The following XPO7 variants were observed in gnomAD, a reference collection of about 807,000 sequenced individuals.
The protein encoded by XPO7 is exportin 7, also known as exportin-7.
Under a neutral mutation model 144.3 loss-of-function variants are expected in XPO7, and 21 were observed. That is an observed-to-expected ratio of 0.15 (90% CI 0.10 to 0.21). XPO7 has a LOEUF of 0.21. Ranked by LOEUF, XPO7 falls within the 10% of genes least tolerant of loss-of-function variation. XPO7 has a pLI of 1.00. For missense variants in XPO7, 808 were observed against 1,325.8 expected, an observed-to-expected ratio of 0.61 and a Z score of 6.06; for synonymous variants, 580 against 499.6, an observed-to-expected ratio of 1.16 and a Z score of -2.15.
At chr8:21,979,851 A>G (rs1812346033) in intron 8 of XPO7, among the ~76,000 whole-genome samples, 1 of 152,158 alleles carries the variant, frequency 6.6e-6, no homozygotes, top group East Asian at 1.9e-4. Flanking sequence ...TATCTCAGCA[A>G]GAACAAAGAT....
intron 1 of XPO7, among the ~76,000 whole-genome samples, chr8:21,941,948 GA>G (rs1811006582): frequency 6.6e-6 from 1 of 152,098 alleles, no homozygotes. Context: ...GATGTCTAAA[GA>G]AGCACACATA....
chr8:21,981,641 C>T (rs1265638370), intron 9 of XPO7, 90 bp from the exon 10 acceptor site: 4 of 1,495,656 alleles, frequency 2.7e-6, no homozygotes, highest in Non-Finnish European at 3.7e-6. Flanking sequence ...TAGATTCTAC[C>T]CCTTCCCCCA....
At chr8:21,990,495 C>A in intron 17 of XPO7, 88 bp downstream of exon 17, 3 of 1,441,052 alleles carry the variant, frequency 2.1e-6, no homozygotes, top group Non-Finnish European at 2.9e-6. Flanking sequence ...AAACTGAGGT[C>A]CCGGGTATTG....
At chr8:21,933,431 T>C (rs1810721212) in intron 1 of XPO7, among the ~76,000 whole-genome samples, 1 of 152,324 alleles carries the variant, frequency 6.6e-6, no homozygotes, top group South Asian at 2.1e-4. Flanking sequence ...AGTGTTATTG[T>C]TGTTACTGTT....
chr8:21,919,847 G>A (rs908634968), intron 1 of XPO7, 59 bp downstream of exon 1: 4 of 335,818 alleles, frequency 1.2e-5, no homozygotes, highest in Non-Finnish European at 2.2e-5. Context: ...GGAGTCGGGG[G>A]TGCACACGGC....
chr8:21,969,554 A>G lies in XPO7; in HGVS notation c.237A>G (p.Pro79=), dbSNP rs371384402. 10 of 1,613,572 alleles carry G rather than the reference A, an allele frequency of 6.2e-6. No individual in the cohort carries two copies. The highest frequency in any genetic ancestry group is 2.2e-5 in the East Asian group (1 of 44,866). Residue 79 remains proline, a synonymous_variant, in exon 3 of 28, where the codon CCA becomes CCG. Transcript: ENST00000252512. ...TATCACGCACAAACAACCCCCTACCATTGGAACAGCGAATAGATATTCGTA... is the reference window on the plus strand; with the variant it reads ...TATCACGCACAAACAACCCCCTACCGTTGGAACAGCGAATAGATATTCGTA... ...KLVSRTNNPL[P]LEQRIDIRNY... is the part of the protein sequence containing the mutation.
intron 1 of XPO7, among the ~76,000 whole-genome samples, chr8:21,938,420 T>G (rs924766293): frequency 6.6e-6 from 1 of 152,212 alleles, no homozygotes; most frequent in African/African-American, 2.4e-5. Context: ...AGAAACCCTA[T>G]ACCCGATAAG....
chr8:21,933,238 C>T (rs1810713740), intron 1 of XPO7, among the ~76,000 whole-genome samples: 1 of 151,670 alleles, frequency 6.6e-6, no homozygotes, highest in South Asian at 2.1e-4. Flanking sequence ...GTAGCTGGGA[C>T]TACAGGCATG....
intron 1 of XPO7, among the ~76,000 whole-genome samples, chr8:21,925,199 TC>T (rs1412746772): frequency 6.6e-6 from 1 of 152,176 alleles, no homozygotes; most frequent in Non-Finnish European, 1.5e-5. Flanking sequence ...AGGAGGCATA[TC>T]AAAATCTTGG....
chr8:21,989,511 G>C (rs998743942), intron 16 of XPO7, among the ~76,000 whole-genome samples: 1 of 152,190 alleles, frequency 6.6e-6, no homozygotes, highest in African/African-American at 2.4e-5. Context: ...AATTAGGTCT[G>C]CTATAAAGTT....
In XPO7 at chr8:22,003,306, C is replaced by G. The variant is rs749418990; in HGVS notation, c.3031C>G (p.Leu1011Val). The G allele has an allele frequency of 6.2e-7, 1 of 1,610,044 alleles. No homozygotes were observed. Among genetic ancestry groups the G allele is most frequent in the South Asian group, 1.1e-5 (1 of 89,900 alleles). The change falls in exon 26 of 28, where the codon CTT becomes GTT. Residue 1011 changes from leucine (L) to valine (V), a missense_variant. Around this residue, in one of 5 missense-constraint regions of XPO7, gnomAD observed 140 missense variants for 237.9 expected, o/e 0.59. Coordinates refer to ENST00000252512, the MANE Select transcript of XPO7 (RefSeq NM_015024.5). ...CCGACCACTACTTGGCTTGATATTG[C>G]TTAATGAAAAGGTGAGAGAGCCAGC... ...MSRPLLGLIL[L>V]NEKYFSDLRN...
chr8:21,995,187 T>C (rs1376720475), intron 20 of XPO7, among the ~76,000 whole-genome samples: 5 of 152,162 alleles, frequency 3.3e-5, no homozygotes, highest in Non-Finnish European at 5.9e-5. Flanking sequence ...GTAAAGGAAA[T>C]GAGCTGATCC....
In XPO7 at chr8:21,991,989, C is replaced by T. The variant is rs746972991; in HGVS notation, c.2148+15C>T. 5 of 1,602,348 alleles carry T rather than the reference C, an allele frequency of 3.1e-6. No individual in the cohort carries two copies. Among genetic ancestry groups the T allele is most frequent in the Middle Eastern group, 1.7e-4 (1 of 6,038 alleles). On this transcript the variant is annotated intron_variant, in intron 19 of 27. Transcript: ENST00000252512. ...AGGAGGCAAAGGTGAGTGAGTCTTTCACCCAGTAATTAATCAGCTTCTGGT... is the reference window on the plus strand; with the variant it reads ...AGGAGGCAAAGGTGAGTGAGTCTTTTACCCAGTAATTAATCAGCTTCTGGT...
chr8:21,970,436 A>G, intron 4 of XPO7, 126 bp downstream of exon 4: 2 of 990,732 alleles, frequency 2.0e-6, no homozygotes, highest in Non-Finnish European at 2.8e-6. Context: ...ACAAAATAGA[A>G]TTATATGATA....
intron 1 of XPO7, among the ~76,000 whole-genome samples, chr8:21,920,185 G>A (rs1810227222): frequency 6.8e-6 from 1 of 148,024 alleles, no homozygotes; most frequent in Non-Finnish European, 1.5e-5. Flanking sequence ...ACGCCCCCAT[G>A]ACGCCCGCCA....
chr8:22,004,932 A>G, intron 27 of XPO7, 63 bp from the exon 28 acceptor site: 1 of 846,530 alleles, frequency 1.2e-6, no homozygotes, highest in East Asian at 3.4e-5. Flanking sequence ...AAAAAAAAAA[A>G]AAAAAGGCAA....
chr8:21,923,431 A>G (rs1810357140), intron 1 of XPO7, among the ~76,000 whole-genome samples: 1 of 152,214 alleles, frequency 6.6e-6, no homozygotes, highest in Admixed American at 6.5e-5. Context: ...GGTTTATACA[A>G]ATAATATGTG....
chr8:21,932,129 A>T (rs1288715019), intron 1 of XPO7, among the ~76,000 whole-genome samples: 1 of 152,102 alleles, frequency 6.6e-6, no homozygotes, highest in Non-Finnish European at 1.5e-5. Context: ...ACGCCTCCCA[A>T]AGTGCTGAGA....
At position 21,963,708 on chromosome 8, in the gene XPO7, A is replaced by G. The variant is rs1414542933; in HGVS notation, c.19-3149A>G. On this transcript the variant is annotated intron_variant, in intron 1 of 27. Coordinates refer to ENST00000252512, the MANE Select transcript of XPO7 (RefSeq NM_015024.5). ...AGACTCCGTCTCAAAAAAAAAAAAA[A>G]AAGTATAACCATTGGGCTATTTAAA... Among the ~76,000 whole-genome samples, 5 of 152,112 alleles carry G rather than the reference A, an allele frequency of 3.3e-5. 1 individual carries two copies. Among genetic ancestry groups the G allele is most frequent in the African/African-American group, 7.2e-5 (3 of 41,424 alleles).
Sources: allele counts gnomAD v4.1 joint callset (sites outside exome capture counted in the v4.1 genomes callset), GRCh38; gene constraint gnomAD v4.1.1; regional missense constraint gnomAD v4.1.1; transcripts MANE v1.5; gene names NCBI Gene and HGNC (gene_info 2026-07-23, HGNC 2026-07-21).